The following PATJ variants were observed in gnomAD, a reference collection of about 807,000 sequenced individuals.
The protein encoded by PATJ is PATJ crumbs cell polarity complex component.
A neutral mutation model predicts 224.9 loss-of-function variants in PATJ; 190 were observed. The ratio of observed to expected loss-of-function variants is 0.84; its 90% CI spans 0.75 to 0.95. PATJ has a LOEUF of 0.95. Ranked by LOEUF, PATJ falls within the 40% of genes least tolerant of loss-of-function variation. The pLI, the probability that PATJ is intolerant of heterozygous loss-of-function variation, is 0.00. For missense variants in PATJ, 2,121 were observed against 2,270.3 expected, an observed-to-expected ratio of 0.93 and a Z score of 1.34; for synonymous variants, 769 against 820.3, an observed-to-expected ratio of 0.94 and a Z score of 1.07.
At chr1:62,110,267 T>C (rs1663636755) in intron 34 of PATJ, among the ~76,000 whole-genome samples, 1 of 152,146 alleles carries the variant, frequency 6.6e-6, no homozygotes, top group Non-Finnish European at 1.5e-5. Flanking sequence ...GCTTTCTAAT[T>C]CACATTGGAC....
intron 27 of PATJ, among the ~76,000 whole-genome samples, chr1:61,933,918 G>A (rs973888399): frequency 6.6e-6 from 1 of 151,618 alleles, no homozygotes; most frequent in African/African-American, 2.4e-5. Flanking sequence ...AGTCTCTTTC[G>A]CATTCGTAGT....
intron 25 of PATJ, among the ~76,000 whole-genome samples, chr1:61,912,691 G>C (rs1571256171): frequency 7.8e-6 from 1 of 128,748 alleles, no homozygotes; most frequent in Non-Finnish European, 1.7e-5. Context: ...GGGGAGGGGA[G>C]GGAAGAGGGG....
At chr1:61,850,562 T>C (rs1662654706) in intron 17 of PATJ, among the ~76,000 whole-genome samples, 1 of 152,260 alleles carries the variant, frequency 6.6e-6, no homozygotes, top group Non-Finnish European at 1.5e-5. Flanking sequence ...GATTCAGTTT[T>C]ATACACTTTG....
At position 61,855,269 on chromosome 1, in the gene PATJ, C is replaced by T. The variant is rs186071209; in HGVS notation, c.2113-761C>T. ...ATCTTGCCCAGCTGTTCCCAGACCT[C>T]GTATGGTCCAGCCAAATATCAATCA... On this transcript the variant is annotated intron_variant, in intron 17 of 43. Transcript: ENST00000642238. Among the ~76,000 whole-genome samples, 300 of 152,134 alleles carry T rather than the reference C, an allele frequency of 2.0e-3. 2 individuals carry two copies. Among genetic ancestry groups the T allele is most frequent in the African/African-American group, 6.5e-3 (268 of 41,486 alleles).
intron 22 of PATJ, among the ~76,000 whole-genome samples, chr1:61,889,238 G>A (rs1444347827): frequency 1.3e-5 from 2 of 152,192 alleles, no homozygotes; most frequent in Non-Finnish European, 2.9e-5. Flanking sequence ...TGCACCAAGG[G>A]TAAGTATCTA....
chr1:62,068,926 A>G (rs112602599), intron 31 of PATJ, among the ~76,000 whole-genome samples: 50 of 152,330 alleles, frequency 3.3e-4, no homozygotes, highest in African/African-American at 1.2e-3. Flanking sequence ...TTGCAAAGTA[A>G]ACACATTAGA....
intron 27 of PATJ, among the ~76,000 whole-genome samples, chr1:61,964,526 C>T (rs1389215940): frequency 2.6e-5 from 4 of 152,140 alleles, no homozygotes; most frequent in East Asian, 1.9e-4. Flanking sequence ...CAGTGGCTCA[C>T]GCCTGTAATC....
chr1:61,753,717 C>T (rs1645461507), intron 1 of PATJ, among the ~76,000 whole-genome samples: 1 of 151,792 alleles, frequency 6.6e-6, no homozygotes, highest in Admixed American at 6.6e-5. Flanking sequence ...ACCATATTGG[C>T]CAGGCTGGTC....
At chr1:62,123,546 C>T (rs1279750822) in intron 39 of PATJ, among the ~76,000 whole-genome samples, 1 of 132,284 alleles carries the variant, frequency 7.6e-6, no homozygotes, top group African/African-American at 2.9e-5. Context: ...GGTGCGATCT[C>T]GGCTCACTGC....
Position 61,808,546 on chromosome 1 carries a change from A to T in PATJ, c.1683+16A>T. On this transcript the variant is annotated intron_variant, in intron 14 of 43. Transcript: ENST00000642238. ...ATATTCAAAGGTAAGCATTTTTTAT[A>T]ACAAAGTTAACAGTTTTATTTTTTT... The T allele has an allele frequency of 1.3e-6, 2 of 1,536,338 alleles. No individual in the cohort carries two copies. The highest frequency in any genetic ancestry group is 1.8e-6 in the Non-Finnish European group (2 of 1,110,790).
At chr1:61,766,686 A>G (rs1377266904) in intron 4 of PATJ, among the ~76,000 whole-genome samples, 15 of 152,220 alleles carry the variant, frequency 9.9e-5, no homozygotes, top group Admixed American at 9.8e-4. Flanking sequence ...GTATCCATGT[A>G]TGTGGTAAGG....
chr1:61,791,582 C>A, intron 9 of PATJ, 135 bp downstream of exon 9: 1 of 517,586 alleles, frequency 1.9e-6, no homozygotes, highest in Non-Finnish European at 3.4e-6. Flanking sequence ...AGCAAGCAGT[C>A]ACTTCTCAGT....
rs142317302 is a variant in PATJ at position 61,980,623 on chromosome 1, A to T, written c.3671-9545A>T. On this transcript the variant is annotated intron_variant, in intron 27 of 43. Transcript: ENST00000642238. Reference sequence around the variant, plus strand: ...ATCATGTATTTTCAGTGAAATTGAAATTAGTAAATTTTAAGAAAACCATTC... The same window carrying T: ...ATCATGTATTTTCAGTGAAATTGAATTTAGTAAATTTTAAGAAAACCATTC... Among the ~76,000 whole-genome samples, 892 of 152,208 alleles carry T rather than the reference A, an allele frequency of 5.9e-3. 15 individuals carry two copies. The highest frequency in any genetic ancestry group is 0.027 in the Middle Eastern group (8 of 294).
At chr1:62,005,516 C>G (rs1481727208) in intron 28 of PATJ, among the ~76,000 whole-genome samples, 1 of 150,862 alleles carries the variant, frequency 6.6e-6, no homozygotes, top group East Asian at 1.9e-4. Flanking sequence ...ATAACCTCAG[C>G]ATTTTGAGAG....
chr1:61,838,299 C>A (rs951286548), intron 17 of PATJ, among the ~76,000 whole-genome samples: 4 of 152,032 alleles, frequency 2.6e-5, no homozygotes, highest in African/African-American at 9.6e-5. Flanking sequence ...TGTGTCATGG[C>A]AAACAATGCG....
intron 29 of PATJ, among the ~76,000 whole-genome samples, chr1:62,027,628 CTTTTTTT>C (rs57019359): frequency 0.12 from 12,976 of 110,062 alleles, 549 homozygotes; most frequent in South Asian, 0.19. Context: ...GCCAACATTC[CTTTTTTT>C]TTTTTTTTTT....
intron 27 of PATJ, among the ~76,000 whole-genome samples, chr1:61,944,468 G>C (rs1163612991): frequency 6.6e-6 from 1 of 152,176 alleles, no homozygotes; most frequent in South Asian, 2.1e-4. Context: ...GTGGAAGAAA[G>C]GGTATCAGTG....
intron 32 of PATJ, among the ~76,000 whole-genome samples, chr1:62,083,508 A>C (rs1450438304): frequency 1.3e-5 from 2 of 152,202 alleles, no homozygotes; most frequent in Non-Finnish European, 2.9e-5. Context: ...GTGTTAGTAA[A>C]CATTTTTTCT....
chr1:61,849,571 C>T (rs1030946421), intron 17 of PATJ, among the ~76,000 whole-genome samples: 2 of 152,050 alleles, frequency 1.3e-5, no homozygotes, highest in Admixed American at 6.6e-5. Context: ...CAAGCCTGGG[C>T]GACAGAGTGA....
Sources: gnomAD v4.1 joint callset for allele counts (sites outside exome capture counted in the v4.1 genomes callset) on GRCh38, gnomAD v4.1.1 for gene constraint, MANE v1.5 for transcripts, NCBI Gene and HGNC (gene_info 2026-07-23, HGNC 2026-07-21) for gene names.